The following OTC variants were observed in gnomAD, a reference collection of about 807,000 sequenced individuals.
The protein encoded by OTC is ornithine transcarbamylase, mitochondrial.
Under a neutral mutation model 30.3 loss-of-function variants are expected in OTC, and 3 were observed. The ratio of observed to expected loss-of-function variants is 0.10; its 90% CI spans 0.05 to 0.26. The LOEUF is 0.26. OTC is among the 10% of genes least tolerant of loss of function. The pLI is 1.00. For synonymous variants in OTC, 111 were observed against 99.7 expected, an observed-to-expected ratio of 1.11 and a Z score of -0.67; for missense variants, 194 against 260.3, an observed-to-expected ratio of 0.75 and a Z score of 1.75.
chrX:38,373,888 G>C (rs2068333524), intron 3 of OTC: 1 of 112,398 alleles, frequency 8.9e-6, no homozygotes, highest in Non-Finnish European at 1.9e-5. Flanking sequence ...GAAGAGGCCG[G>C]GCACGGTGGC....
Position 38,411,885 on chromosome X carries a change from C to G in OTC, c.891C>G (p.Asp297Glu). Residue 297 changes from aspartate (D) to glutamate (E), a missense_variant, in exon 9 of 10, where the codon GAC becomes GAG. Coordinates refer to ENST00000039007, the MANE Select transcript of OTC (RefSeq NM_000531.6). Reference protein sequence around the residue: ...TMKTAKVAASDWTFLHCLPRK... With the variant: ...TMKTAKVAASEWTFLHCLPRK... ...AGACTGCTAAAGTTGCTGCCTCTGA[C>G]TGGACATTTTTACACTGCTTGCCCA... 8.3e-7 allele frequency: 1 copy of G among 1,211,241 alleles called. No homozygotes were observed. Among genetic ancestry groups the G allele is most frequent in the Non-Finnish European group, 1.1e-6 (1 of 895,009 alleles).
At chrX:38,344,724 T>G in the OTC span, among the ~76,000 whole-genome samples, 5 of 111,325 alleles carry the variant, frequency 4.5e-5, no homozygotes, top group Non-Finnish European at 7.5e-5. Flanking sequence ...AAATTGAACT[T>G]GATCAAAATT....
chrX:38,345,544 AT>A, the OTC span, among the ~76,000 whole-genome samples: 44,837 of 99,396 alleles, frequency 0.45, 8,475 homozygotes, highest in East Asian at 0.65. Flanking sequence ...CCTAAACCAT[AT>A]TTTTTTTTTT....
chrX:38,414,895 A>C (rs2068562420), intron 9 of OTC, among the ~76,000 whole-genome samples: 1 of 110,040 alleles, frequency 9.1e-6, no homozygotes, highest in Non-Finnish European at 1.9e-5. Flanking sequence ...CCATATAGTG[A>C]GCATCTACTC....
intron 3 of OTC, among the ~76,000 whole-genome samples, chrX:38,370,508 C>G (rs910887895): frequency 2.7e-5 from 3 of 111,652 alleles, no homozygotes; most frequent in South Asian, 3.8e-4. Context: ...GTTTGCTTCA[C>G]TCTCATTGAA....
the OTC span, among the ~76,000 whole-genome samples, chrX:38,341,563 G>A: frequency 1.8e-5 from 2 of 112,277 alleles, no homozygotes; most frequent in Non-Finnish European, 3.8e-5. Context: ...GGCAAAAAGA[G>A]TAGTGGCCAT....
rs376645855 is a variant in OTC, at chrX:38,374,863, G to A, written c.298+4986G>A. 8.3e-4 allele frequency among the ~76,000 whole-genome samples: 93 copies of A among 111,928 alleles called. No individual in the cohort carries two copies. In the South Asian group the frequency reaches 0.035, roughly 42 times the overall value. On this transcript the variant is annotated intron_variant, in intron 3 of 9. Coordinates refer to ENST00000039007, the MANE Select transcript of OTC (RefSeq NM_000531.6). ...ATGTGCGGTATTTATGTGTATTTAG[G>A]TGACGTTGCATGTTTATAAAGAAAT...
chrX:38,403,817 G>C, intron 6 of OTC, 77 bp downstream of exon 6: 1 of 1,089,106 alleles, frequency 9.2e-7, no homozygotes, highest in South Asian at 1.9e-5. Context: ...GACAAAAAAA[G>C]CTCTCTTCCA....
chrX:38,369,201 T>C (rs2068311521), intron 2 of OTC, among the ~76,000 whole-genome samples: 1 of 111,585 alleles, frequency 9.0e-6, no homozygotes, highest in South Asian at 3.8e-4. Flanking sequence ...AAGAAGGTGG[T>C]TCCAGTATGA....
At chrX:38,360,075 C>G (rs2068263986) in intron 1 of OTC, among the ~76,000 whole-genome samples, 1 of 108,682 alleles carries the variant, frequency 9.2e-6, no homozygotes, top group African/African-American at 3.4e-5. Context: ...TGCCTGCCAC[C>G]ACGCCCGGCT....
the OTC span, among the ~76,000 whole-genome samples, chrX:38,340,473 G>GTTT: frequency 3.0e-3 from 168 of 56,109 alleles, 1 homozygote; most frequent in Non-Finnish European, 3.5e-3. Context: ...TTTTTTTTTT[G>GTTT]TTTTTTTTTT....
chrX:38,420,953 C>T lies in OTC; in HGVS notation c.1006-70C>T, dbSNP rs12557315. 0.21 allele frequency: 168,563 copies of T among 786,282 alleles called. 14,344 individuals carry two copies. The highest frequency in any genetic ancestry group is 0.26 in the Admixed American group (11,520 of 44,079). The allele number at this position is 786,282 out of a possible 1,213,427, so 64.8% of individuals were successfully genotyped here. On this transcript the variant is annotated intron_variant, in intron 9 of 9. Transcript: ENST00000039007. ...CCTGCAAAGCTGAAACCTAATTCAC[C>T]TTCTCTAGGTCCCTAAGCAGACTGT...
chrX:38,340,352 G>C, the OTC span, among the ~76,000 whole-genome samples: 2 of 110,220 alleles, frequency 1.8e-5, no homozygotes, highest in Admixed American at 1.9e-4. Flanking sequence ...TTTTCCACTT[G>C]AAATTATAAT....
chrX:38,399,852 A>T (rs2068476171), intron 4 of OTC, among the ~76,000 whole-genome samples: 1 of 111,705 alleles, frequency 9.0e-6, no homozygotes, highest in South Asian at 3.8e-4. Context: ...ACATTTTTTT[A>T]AAAATGGCTC....
upstream of OTC, among the ~76,000 whole-genome samples, chrX:38,348,215 A>T (rs940355210): frequency 7.1e-5 from 8 of 112,075 alleles, no homozygotes; most frequent in Non-Finnish European, 1.1e-4. Context: ...TTCAGGCCTC[A>T]TATTTGTCAC....
At chrX:38,332,502 T>TATATATATATATATA in the OTC span, among the ~76,000 whole-genome samples, 1 of 16,436 alleles carries the variant, frequency 6.1e-5, no homozygotes, top group African/African-American at 2.7e-4. Flanking sequence ...TAGCCCTAGA[T>TATATATATATATATA]TTTATATATA....
At chrX:38,366,990 C>T (rs1460169276) in intron 1 of OTC, among the ~76,000 whole-genome samples, 6 of 110,576 alleles carry the variant, frequency 5.4e-5, no homozygotes, top group African/African-American at 2.0e-4. Flanking sequence ...CCAGCCTGGT[C>T]ACCATGGAGA....
chrX:38,404,425 G>A (rs1051200699), intron 6 of OTC, among the ~76,000 whole-genome samples: 5 of 111,810 alleles, frequency 4.5e-5, no homozygotes, highest in African/African-American at 1.3e-4. Flanking sequence ...AGAGGTAGGA[G>A]GGACACTTTA....
intron 1 of OTC, among the ~76,000 whole-genome samples, chrX:38,361,489 G>A (rs1223362557): frequency 8.9e-6 from 1 of 111,739 alleles, no homozygotes; most frequent in Non-Finnish European, 1.9e-5. Flanking sequence ...GTGACAAAAA[G>A]GATGAAGATG....
Sources: allele counts gnomAD v4.1 joint callset (sites outside exome capture counted in the v4.1 genomes callset), GRCh38; gene constraint gnomAD v4.1.1; transcripts MANE v1.5; gene names NCBI Gene and HGNC (gene_info 2026-07-23, HGNC 2026-07-21).